Variants in ATP11B observed in about 807,000 individuals in gnomAD.
The protein encoded by ATP11B is ATPase phospholipid transporting 11B (putative), also known as phospholipid-transporting ATPase IF.
In ATP11B, 81 loss-of-function variants were observed where a neutral mutation model predicts 157.8. The ratio of observed to expected loss-of-function variants is 0.51; its 90% confidence interval spans 0.43 to 0.62. The LOEUF (loss-of-function observed/expected upper bound fraction) is 0.62. Among genes scored for constraint, ATP11B ranks in the 20% least tolerant of loss-of-function variants. ATP11B has a pLI of 0.00. For missense variants in ATP11B, 1,165 were observed against 1,402.2 expected (o/e 0.83, Z 2.70); for synonymous variants, 451 against 469.4 (o/e 0.96, Z 0.51).
intron 1 of ATP11B, among the ~76,000 whole-genome samples, chr3:182,812,539 C>T (rs1347945909): frequency 1.3e-5 from 2 of 152,124 alleles, no homozygotes; most frequent in African/African-American, 4.8e-5. Flanking sequence ...CTAAACTAAA[C>T]CTTACACATT....
intron 1 of ATP11B, among the ~76,000 whole-genome samples, chr3:182,800,882 C>CA (rs1715963693): frequency 1.4e-5 from 2 of 143,096 alleles, no homozygotes; most frequent in Non-Finnish European, 3.1e-5. Context: ...CCACCCCCCC[C>CA]AGCCCCGCCC....
chr3:182,862,435 A>G (rs1052861047), intron 12 of ATP11B, among the ~76,000 whole-genome samples: 13 of 152,288 alleles, frequency 8.5e-5, no homozygotes, highest in Middle Eastern at 6.8e-3. Flanking sequence ...ACCTGTTTTT[A>G]GTGCACTGCC....
At chr3:182,881,530 A>G (rs1232011400) in intron 21 of ATP11B, among the ~76,000 whole-genome samples, 1 of 151,074 alleles carries the variant, frequency 6.6e-6, no homozygotes, top group African/African-American at 2.4e-5. Flanking sequence ...CGACAGCAAG[A>G]CTCTGTCTCA....
At chr3:182,868,178 T>C (rs192014557) in intron 15 of ATP11B, among the ~76,000 whole-genome samples, 1 of 152,096 alleles carries the variant, frequency 6.6e-6, no homozygotes. Context: ...TCCTTGTATT[T>C]CCTGTGATTT....
rs774685627 is a variant in ATP11B at position 182,887,706 on chromosome 3, C to T, written c.2836C>T (p.Leu946Phe). 1.2e-5 allele frequency: 20 copies of T among 1,608,886 alleles called. No individual in the cohort carries two copies. Among genetic ancestry groups the T allele is most frequent in the Non-Finnish European group, 1.7e-5 (20 of 1,178,812 alleles). The change falls in exon 24 of 30, where the codon CTT becomes TTT. Residue 946 changes from leucine to phenylalanine, a missense_variant. Physicochemically the swap from Leu to Phe is conservative, Grantham distance 22. Transcript: ENST00000323116. The part of the protein sequence containing the change: ...DPHVLQNKPT[L>F]YRDISKNRLL... ...TCATGTGTTACAAAATAAGCCCACC[C>T]TTTATCGGTAAGTATTTTCTGGTAT...
In ATP11B at chr3:182,889,502, C is replaced by T; in HGVS notation, c.2936C>T (p.Ser979Phe). The change falls in exon 25 of 30, where the codon TCC becomes TTC. Residue 979 changes from serine (S) to phenylalanine (F), a missense_variant. Physicochemically the swap from Ser to Phe is radical, Grantham distance 155 (BLOSUM62 -2). Around this residue, in one of 4 missense-constraint regions of ATP11B, gnomAD observed 303 missense variants for 296.3 expected, o/e 1.02. Transcript: ENST00000323116. Reference protein sequence around the residue: ...FSHAFIFFFGSYLLIGKDTSL... With the variant: ...FSHAFIFFFGFYLLIGKDTSL... ...CATGCCTTTATTTTCTTTTTTGGAT[C>T]CTATTTACTAATAGGGAAAGATACA... 1.3e-6 allele frequency: 2 copies of T among 1,569,270 alleles called. No individual in the cohort carries two copies. The highest frequency in any genetic ancestry group is 8.6e-7 in the Non-Finnish European group (1 of 1,165,266).
intron 1 of ATP11B, among the ~76,000 whole-genome samples, chr3:182,818,069 G>A (rs1206000352): frequency 6.6e-6 from 1 of 152,184 alleles, no homozygotes; most frequent in Non-Finnish European, 1.5e-5. Context: ...GTGTCCATCT[G>A]AATCTGTTGA....
chr3:182,830,272 G>A (rs763049778), intron 4 of ATP11B, among the ~76,000 whole-genome samples: 1 of 150,668 alleles, frequency 6.6e-6, no homozygotes, highest in Middle Eastern at 3.4e-3. Context: ...GCCCTGAGCC[G>A]TGATTATGTC....
rs1480683995 is a variant in ATP11B, at chr3:182,793,724, C to G, written c.-36C>G. The G allele has an allele frequency of 7.9e-6, 11 of 1,398,490 alleles. No individual in the cohort carries two copies. The highest frequency in any genetic ancestry group is 8.4e-6 in the Non-Finnish European group (9 of 1,068,656). 86.6% of individuals were successfully genotyped at this position (1,398,490 alleles called of 1,614,324 possible). A position where few individuals can be genotyped will look rare whatever the true frequency, so the allele number is the denominator to read the frequency against. The stretch of plus-strand genomic sequence containing the variant: ...CCTCCACCTGCAGCCCCGCGGCCCC[C>G]GCGCCCCGCGGGACCCGGACGGCGA... On this transcript the variant is annotated 5_prime_UTR_variant, in exon 1 of 30. Transcript: ENST00000323116.
intron 29 of ATP11B, chr3:182,915,109 A>G: frequency 2.0e-6 from 2 of 985,424 alleles, no homozygotes; most frequent in Non-Finnish European, 2.4e-6. Flanking sequence ...TGTGTTTTAA[A>G]AAAATGATGA....
Position 182,913,975 on chromosome 3 carries a change from A to G in ATP11B, c.3433A>G (p.Ser1145Gly), listed in dbSNP as rs752004427. 1.9e-6 allele frequency: 3 copies of G among 1,614,072 alleles called. No individual in the cohort carries two copies. Among genetic ancestry groups the G allele is most frequent in the East Asian group, 4.5e-5 (2 of 44,880 alleles). Residue 1145 changes from serine to glycine, a missense_variant, in exon 29 of 30, where the codon AGT becomes GGT. This residue lies in a region of ATP11B where 303 missense variants were observed against 296.3 expected (regional missense o/e 1.02). Transcript: ENST00000323116. Reference sequence around the variant, plus strand: ...GCTGGAACGAGTTATAGGAAGATGTAGTCCAACCCACATCAGCAGGTGTGA... The same window carrying G: ...GCTGGAACGAGTTATAGGAAGATGTGGTCCAACCCACATCAGCAGGTGTGA... ...RMLERVIGRC[S>G]PTHISRSWSA...
At chr3:182,879,250 C>T (rs1193351527) in intron 19 of ATP11B, among the ~76,000 whole-genome samples, 1 of 152,048 alleles carries the variant, frequency 6.6e-6, no homozygotes, top group Non-Finnish European at 1.5e-5. Flanking sequence ...AGAGCAAGAC[C>T]CTGTTTCACA....
intron 1 of ATP11B, among the ~76,000 whole-genome samples, 168 bp from the exon 2 acceptor site, chr3:182,820,091 GA>G (rs938354046): frequency 1.3e-5 from 2 of 151,712 alleles, no homozygotes; most frequent in Admixed American, 6.6e-5. Flanking sequence ...ACCTGTGAAA[GA>G]AAAAAAATAG....
intron 2 of ATP11B, among the ~76,000 whole-genome samples, chr3:182,823,464 A>G (rs1717504133): frequency 6.6e-6 from 1 of 151,862 alleles, no homozygotes; most frequent in South Asian, 2.1e-4. Flanking sequence ...GTTCTGTTCC[A>G]TTGGTCTATA....
intron 2 of ATP11B, among the ~76,000 whole-genome samples, chr3:182,823,154 A>C (rs1360679965): frequency 6.6e-6 from 1 of 152,116 alleles, no homozygotes; most frequent in Admixed American, 6.6e-5. Context: ...TTTTGTTGCC[A>C]TTGCTTTTGG....
chr3:182,873,691 T>A (rs1380136430), intron 18 of ATP11B, 121 bp from the exon 19 acceptor site: 6 of 790,472 alleles, frequency 7.6e-6, no homozygotes, highest in South Asian at 7.3e-5. Context: ...CTATATTGTA[T>A]AATAACATTC....
chr3:182,806,543 A>C (rs1461491957), intron 1 of ATP11B, among the ~76,000 whole-genome samples: 1 of 151,670 alleles, frequency 6.6e-6, no homozygotes, highest in East Asian at 1.9e-4. Flanking sequence ...CTCATTTTCT[A>C]TCTGTGCTGT....
chr3:182,864,825 T>A (rs1721106264), intron 12 of ATP11B, among the ~76,000 whole-genome samples: 1 of 152,146 alleles, frequency 6.6e-6, no homozygotes. Flanking sequence ...TTCATGGACA[T>A]ACTTTCTTTT....
Position 182,918,541 on chromosome 3 carries a change from A to AT in ATP11B, c.*444dup, listed in dbSNP as rs994469592. On this transcript the variant is annotated 3_prime_UTR_variant, in exon 30 of 30. Transcript: ENST00000323116. ...GCTGAAAGTTTGCCTTGAGAACTCT[A>AT]TTTTTTTATTAGAGTTATATTTAAA... 10 of 394,182 alleles carry AT rather than the reference A, an allele frequency of 2.5e-5. No individual in the cohort carries two copies. In the Admixed American group the frequency reaches 4.0e-4, roughly 16 times the overall value. 24.4% of individuals were successfully genotyped at this position (394,182 alleles called of 1,614,324 possible).
Sources: gnomAD v4.1 joint callset for allele counts (sites outside exome capture counted in the v4.1 genomes callset) on GRCh38, gnomAD v4.1.1 for gene constraint, gnomAD v4.1.1 regional missense constraint, MANE v1.5 for transcripts, NCBI Gene and HGNC (gene_info 2026-07-23, HGNC 2026-07-21) for gene names.